Variants in FBLN2 observed in about 807,000 individuals in gnomAD.
FBLN2 encodes fibulin-2.
A neutral mutation model predicts 123.7 loss-of-function variants in FBLN2; 81 were observed. The observed-to-expected ratio is 0.65, with a 90% CI of 0.55 to 0.79. The LOEUF is 0.79. Ranked by LOEUF, FBLN2 falls within the 30% of genes least tolerant of loss-of-function variation. The pLI, the probability that FBLN2 is intolerant of heterozygous loss-of-function variation, is 0.00. For missense variants in FBLN2, 1,603 were observed against 1,681.3 expected (o/e 0.95, Z 0.81); for synonymous variants, 699 against 701.4 (o/e 1.00, Z 0.05).
At chr3:13,617,367 C>G (rs1195885656) in intron 5 of FBLN2, among the ~76,000 whole-genome samples, 1 of 151,920 alleles carries the variant, frequency 6.6e-6, no homozygotes, top group African/African-American at 2.4e-5. Flanking sequence ...TCCTTCCATT[C>G]ACTCATCCAC....
intron 2 of FBLN2, among the ~76,000 whole-genome samples, chr3:13,595,543 C>T (rs1277413941): frequency 6.6e-6 from 1 of 152,188 alleles, no homozygotes; most frequent in Admixed American, 6.5e-5. Flanking sequence ...TCCACACCCC[C>T]AGGAGAACAC....
chr3:13,557,646 G>A (rs1037521091), intron 1 of FBLN2, among the ~76,000 whole-genome samples: 11 of 152,376 alleles, frequency 7.2e-5, no homozygotes, highest in Non-Finnish European at 1.5e-4. Flanking sequence ...AGGAGCATCA[G>A]CATGGGCCAT....
chr3:13,569,772 G>C (rs907722485), intron 1 of FBLN2, among the ~76,000 whole-genome samples: 1 of 152,084 alleles, frequency 6.6e-6, no homozygotes, highest in East Asian at 1.9e-4. Flanking sequence ...AGCAGCTGTG[G>C]TGCGTGGCTG....
Position 13,571,104 on chromosome 3 carries a change from T to G in FBLN2, c.749T>G (p.Val250Gly). The change falls in exon 2 of 18, where the codon GTC becomes GGC. Residue 250 changes from valine to glycine, a missense_variant. Coordinates refer to ENST00000404922, the MANE Select transcript of FBLN2 (RefSeq NM_001004019.2). The stretch of plus-strand genomic sequence containing the variant: ...ATCCAGGCACCCCCCTGGCCAGCTG[T>G]CCTCCCCAGGCCCACAGCGGCTGCT... Reference protein sequence around the residue: ...STIQAPPWPAVLPRPTAAAAL... With the variant: ...STIQAPPWPAGLPRPTAAAAL... 6.4e-7 allele frequency: 1 copy of G among 1,552,836 alleles called. No individual in the cohort carries two copies. Among genetic ancestry groups the G allele is most frequent in the Non-Finnish European group, 8.7e-7 (1 of 1,148,394 alleles).
intron 4 of FBLN2, among the ~76,000 whole-genome samples, chr3:13,612,356 TTCTGTCTGTCTGTCTC>T (rs1358189690): frequency 1.7e-5 from 2 of 116,440 alleles, no homozygotes; most frequent in African/African-American, 8.6e-5. Flanking sequence ...TTCTTTTTCT[TTCTGTCTGTCTGTCTC>T]TCTGTCTGTC....
At chr3:13,582,454 C>A (rs1704363302) in intron 2 of FBLN2, among the ~76,000 whole-genome samples, 1 of 152,216 alleles carries the variant, frequency 6.6e-6, no homozygotes, top group Non-Finnish European at 1.5e-5. Flanking sequence ...CCTGCAGCAT[C>A]CGGGGCTTTG....
At chr3:13,600,017 C>CAGAG (rs113759892) in intron 2 of FBLN2, among the ~76,000 whole-genome samples, 107 of 137,382 alleles carry the variant, frequency 7.8e-4, no homozygotes, top group Admixed American at 1.2e-3. Flanking sequence ...AAAAACACGA[C>CAGAG]AGAGAGAGAG....
At chr3:13,593,448 G>C (rs1231054372) in intron 2 of FBLN2, among the ~76,000 whole-genome samples, 1 of 152,150 alleles carries the variant, frequency 6.6e-6, no homozygotes, top group Non-Finnish European at 1.5e-5. Flanking sequence ...GGGCGCAGTG[G>C]CTCATACCTG....
chr3:13,619,601 A>T, intron 7 of FBLN2, 129 bp from the exon 8 acceptor site: 1 of 716,786 alleles, frequency 1.4e-6, no homozygotes, highest in Non-Finnish European at 2.3e-6. Flanking sequence ...CTTGTCTCCC[A>T]GCATCCCTGC....
rs999532048 is a variant in FBLN2 at position 13,609,537 on chromosome 3, C to A, written c.1443C>A (p.Val481=). ...GGACAGCCCAGAGGCACTGCTGTGT[C>A]TCCTACTTGCAGGAGAAGAGCTGCA... is the stretch of plus-strand genomic sequence containing the variant. ...VCRTAQRHCC[V]SYLQEKSCMA... Residue 481 remains valine, a synonymous_variant, in exon 4 of 18, where the codon GTC becomes GTA. Coordinates refer to ENST00000404922, the MANE Select transcript of FBLN2 (RefSeq NM_001004019.2). 1.9e-6 allele frequency: 3 copies of A among 1,551,410 alleles called. No homozygotes were observed. The African/African-American group carries it at 4.1e-5, about 21-fold the overall frequency.
chr3:13,574,014 C>G (rs1177216121), intron 2 of FBLN2, among the ~76,000 whole-genome samples: 1 of 152,152 alleles, frequency 6.6e-6, no homozygotes, highest in Non-Finnish European at 1.5e-5. Flanking sequence ...GGCCTGAGCT[C>G]CCTGTAGCCC....
At chr3:13,584,205 A>G (rs565158163) in intron 2 of FBLN2, among the ~76,000 whole-genome samples, 2 of 152,272 alleles carry the variant, frequency 1.3e-5, no homozygotes, top group African/African-American at 4.8e-5. Context: ...AATATTAGCA[A>G]TTCGTTCACA....
chr3:13,575,088 AATC>A (rs898303944), intron 2 of FBLN2, among the ~76,000 whole-genome samples: 4 of 152,316 alleles, frequency 2.6e-5, no homozygotes, highest in Middle Eastern at 3.4e-3. Context: ...GACGGTGACT[AATC>A]ATCGTCGCAT....
At chr3:13,605,348 G>A (rs1466421107) in intron 2 of FBLN2, among the ~76,000 whole-genome samples, 2 of 152,086 alleles carry the variant, frequency 1.3e-5, no homozygotes, top group Non-Finnish European at 2.9e-5. Flanking sequence ...CTGCATAGCT[G>A]ACAGTTTCAT....
chr3:13,617,060 C>G (rs1705633042), intron 5 of FBLN2, among the ~76,000 whole-genome samples: 1 of 152,152 alleles, frequency 6.6e-6, no homozygotes, highest in Non-Finnish European at 1.5e-5. Context: ...GTAGAGGACT[C>G]AGTGATGAAG....
intron 2 of FBLN2, among the ~76,000 whole-genome samples, chr3:13,586,438 C>T (rs188666482): frequency 6.6e-6 from 1 of 151,140 alleles, no homozygotes; most frequent in Admixed American, 6.6e-5. Flanking sequence ...CTGCCTAGGC[C>T]TCTCAAAGGG....
chr3:13,604,081 G>T (rs1341313957), intron 2 of FBLN2, among the ~76,000 whole-genome samples: 5 of 152,282 alleles, frequency 3.3e-5, no homozygotes, highest in East Asian at 1.9e-4. Flanking sequence ...TTTTGATGGG[G>T]TTGTTTGATT....
chr3:13,624,008 T>G (rs1483811854), intron 9 of FBLN2, among the ~76,000 whole-genome samples: 1 of 152,230 alleles, frequency 6.6e-6, no homozygotes, highest in Non-Finnish European at 1.5e-5. Flanking sequence ...ACCATTTGCC[T>G]TTTGTGGTCT....
intron 2 of FBLN2, among the ~76,000 whole-genome samples, chr3:13,579,330 T>C (rs1322472723): frequency 1.3e-5 from 2 of 152,238 alleles, no homozygotes; most frequent in Non-Finnish European, 2.9e-5. Context: ...CACTGTCATG[T>C]AGTCTCCAGA....
Sources: gnomAD v4.1 joint callset for allele counts (sites outside exome capture counted in the v4.1 genomes callset) on GRCh38, gnomAD v4.1.1 for gene constraint, MANE v1.5 for transcripts, NCBI Gene and HGNC (gene_info 2026-07-23, HGNC 2026-07-21) for gene names.